LITAF: variants seen among roughly 807,000 people sequenced by gnomAD.
LITAF encodes the protein lipopolysaccharide induced TNF factor.
A neutral mutation model predicts 14.5 loss-of-function variants in LITAF; 9 were observed. The ratio of observed to expected loss-of-function variants is 0.62; its 90% confidence interval spans 0.37 to 1.08. The LOEUF (loss-of-function observed/expected upper bound fraction) is 1.08. Ranked by LOEUF, LITAF falls within the 50% of genes least tolerant of loss-of-function variation. The pLI, the probability that LITAF is intolerant of heterozygous loss-of-function variation, is 0.01. For missense variants in LITAF, 206 were observed against 213.4 expected, an observed-to-expected ratio of 0.97 and a Z score of 0.22; for synonymous variants, 98 against 88.2, an observed-to-expected ratio of 1.11 and a Z score of -0.62.
chr16:11,585,675 G>C (rs1195587227), intron 1 of LITAF, among the ~76,000 whole-genome samples: 1 of 152,134 alleles, frequency 6.6e-6, no homozygotes, highest in Non-Finnish European at 1.5e-5. Flanking sequence ...GGCAGATGAA[G>C]CAGCCAAGCA....
chr16:11,635,227 T>C (rs2065133703), intron 2 of LITAF, among the ~76,000 whole-genome samples: 2 of 152,174 alleles, frequency 1.3e-5, no homozygotes, highest in African/African-American at 2.4e-5. Flanking sequence ...GATACACAAA[T>C]GCACATTCAG....
chr16:11,556,888 T>A (rs1043309937), intron 1 of LITAF, among the ~76,000 whole-genome samples, 153 bp from the exon 2 acceptor site: 1 of 152,166 alleles, frequency 6.6e-6, no homozygotes, highest in Admixed American at 6.6e-5. Flanking sequence ...AGGGTTAATG[T>A]CCCTTCAAGA....
chr16:11,584,169 GAACT>G (rs1428320948), intron 1 of LITAF: 14 of 152,212 alleles, frequency 9.2e-5, no homozygotes, highest in African/African-American at 2.7e-4. Context: ...AAGAAACACA[GAACT>G]AAGGAAGTCT....
intron 1 of LITAF, among the ~76,000 whole-genome samples, chr16:11,574,145 G>A (rs751722957): frequency 4.0e-5 from 6 of 151,878 alleles, no homozygotes; most frequent in Non-Finnish European, 8.8e-5. Context: ...AGGCTCAAGC[G>A]ATCCTCCTGC....
intron 3 of LITAF, among the ~76,000 whole-genome samples, chr16:11,627,133 C>G (rs985961736): frequency 1.3e-5 from 2 of 152,206 alleles, no homozygotes; most frequent in Non-Finnish European, 2.9e-5. Flanking sequence ...CATGACCAAG[C>G]CTGGCCAGTG....
upstream of LITAF, among the ~76,000 whole-genome samples, chr16:11,636,623 A>G (rs542952698): frequency 4.6e-5 from 7 of 152,306 alleles, no homozygotes; most frequent in African/African-American, 1.7e-4. Flanking sequence ...TACGGTACAC[A>G]CGATGACAAA....
chr16:11,637,890 A>AC (rs1277194747), upstream of LITAF, among the ~76,000 whole-genome samples: 146 of 99,626 alleles, frequency 1.5e-3, 31 homozygotes, highest in African/African-American at 7.0e-3. Flanking sequence ...CAAAAAAAAA[A>AC]AAAAAAACTA....
At chr16:11,589,107 C>G (rs1388385453), upstream of LITAF, among the ~76,000 whole-genome samples, 1 of 152,152 alleles carries the variant, frequency 6.6e-6, no homozygotes, top group African/African-American at 2.4e-5. Context: ...AAGACTGTAA[C>G]TCTTTTCTTT....
rs1037119861 is a variant in LITAF at position 11,549,089 on chromosome 16, T to G, written c.*548A>C. On this transcript the variant is annotated 3_prime_UTR_variant, in exon 4 of 4. Coordinates refer to ENST00000622633, the MANE Select transcript of LITAF (RefSeq NM_001136472.2). This position sits in a 1 kb window ranked among gnomAD's most constrained non-coding sequence, Gnocchi z 4.6. ...ATTAAGAAATTAAAGTGAATCTGTG[T>G]GCTAATGAAGTCTGCAGTTACAGAA... 7 of 453,856 alleles carry G rather than the reference T, an allele frequency of 1.5e-5. No homozygotes were observed. Among genetic ancestry groups the G allele is most frequent in the African/African-American group, 1.4e-4 (7 of 49,978 alleles). 28.1% of individuals were successfully genotyped at this position (453,856 alleles called of 1,614,324 possible).
At chr16:11,624,081 T>G (rs2065068709) in intron 3 of LITAF, among the ~76,000 whole-genome samples, 1 of 152,046 alleles carries the variant, frequency 6.6e-6, no homozygotes. Context: ...GCTCAGGAGA[T>G]CAAGACCAGC....
chr16:11,596,687 G>A (rs1436747901), intron 1 of LITAF, among the ~76,000 whole-genome samples: 7 of 91,078 alleles, frequency 7.7e-5, no homozygotes, highest in African/African-American at 3.1e-4. Context: ...GGAGGGGAGG[G>A]GGAAGGAGCA....
chr16:11,600,580 C>T (rs1372276667), upstream of LITAF, among the ~76,000 whole-genome samples: 1 of 152,158 alleles, frequency 6.6e-6, no homozygotes, highest in East Asian at 1.9e-4. The surrounding 1 kb of genome is among the most constrained non-coding windows in gnomAD (Gnocchi z 4.1). Flanking sequence ...TCTAGCTGGC[C>T]CCCACCCTTC....
At chr16:11,612,640 G>A (rs1013114059) in intron 3 of LITAF, among the ~76,000 whole-genome samples, 1 of 152,182 alleles carries the variant, frequency 6.6e-6, no homozygotes, top group Non-Finnish European at 1.5e-5. Flanking sequence ...AGCCCTCGCA[G>A]AGACAGCAGA....
chr16:11,572,989 C>A (rs1157029823), intron 1 of LITAF, among the ~76,000 whole-genome samples: 1 of 148,918 alleles, frequency 6.7e-6, no homozygotes, highest in Non-Finnish European at 1.5e-5. Flanking sequence ...CATGCAGTGG[C>A]GCAATCTCAG....
chr16:11,581,456 G>A (rs888984438), intron 1 of LITAF, among the ~76,000 whole-genome samples: 1 of 152,094 alleles, frequency 6.6e-6, no homozygotes, highest in East Asian at 1.9e-4. Context: ...AGACCAGCCT[G>A]GGTAACATGG....
At chr16:11,623,153 G>A (rs999592448) in intron 3 of LITAF, among the ~76,000 whole-genome samples, 5 of 151,062 alleles carry the variant, frequency 3.3e-5, no homozygotes, top group Non-Finnish European at 5.9e-5. Context: ...TAGTAGAGAC[G>A]GGTTTCACTG....
At chr16:11,584,738 C>T (rs1160889255) in intron 1 of LITAF, among the ~76,000 whole-genome samples, 1 of 152,180 alleles carries the variant, frequency 6.6e-6, no homozygotes, top group African/African-American at 2.4e-5. Flanking sequence ...GTGTGTGTTT[C>T]TACTTTCTAC....
intron 1 of LITAF, among the ~76,000 whole-genome samples, chr16:11,577,851 A>G (rs1224598332): frequency 6.6e-6 from 1 of 152,004 alleles, no homozygotes; most frequent in Non-Finnish European, 1.5e-5. Context: ...CAGCCTCTCG[A>G]GTAGTTGTGA....
At chr16:11,625,727 T>TTTCATTTA (rs1227738927) in intron 3 of LITAF, among the ~76,000 whole-genome samples, 1 of 152,168 alleles carries the variant, frequency 6.6e-6, no homozygotes, top group Non-Finnish European at 1.5e-5. Flanking sequence ...CCTTTTAATC[T>TTTCATTTA]TTCATTTATT....
Sources: allele counts gnomAD v4.1 joint callset (sites outside exome capture counted in the v4.1 genomes callset), GRCh38; gene constraint gnomAD v4.1.1; non-coding constraint Gnocchi (gnomAD v3.1); transcripts MANE v1.5; gene names NCBI Gene and HGNC (gene_info 2026-07-23, HGNC 2026-07-21).